Variants in BMAL1 observed in about 807,000 individuals in gnomAD.
BMAL1 encodes the protein basic helix-loop-helix ARNT-like protein 1.
the BMAL1 span, among the ~76,000 whole-genome samples, chr11:13,311,756 T>C: frequency 2.0e-5 from 3 of 152,210 alleles, no homozygotes; most frequent in African/African-American, 7.2e-5. Flanking sequence ...TGTGTTCTTA[T>C]GCTCCCTTTT....
At chr11:13,298,476 T>C in the BMAL1 span, among the ~76,000 whole-genome samples, 3 of 152,368 alleles carry the variant, frequency 2.0e-5, no homozygotes, top group African/African-American at 4.8e-5. Context: ...CTAGCACTTA[T>C]CACCATCTAA....
At chr11:13,318,429 A>C in the BMAL1 span, among the ~76,000 whole-genome samples, 2 of 152,170 alleles carry the variant, frequency 1.3e-5, no homozygotes, top group African/African-American at 4.8e-5. Flanking sequence ...ATAAAATTTT[A>C]AATAATGCAG....
chr11:13,356,887 C>A, the BMAL1 span: 5 of 1,595,736 alleles, frequency 3.1e-6, no homozygotes, highest in Admixed American at 1.7e-5. Flanking sequence ...TGGAGATGAG[C>A]AAGGAGGCCG....
At chr11:13,344,235 A>AT in the BMAL1 span, among the ~76,000 whole-genome samples, 1 of 151,972 alleles carries the variant, frequency 6.6e-6, no homozygotes, top group Admixed American at 6.6e-5. Context: ...CAAGCAAATC[A>AT]TTTTTTCATC....
At chr11:13,318,557 T>G in the BMAL1 span, among the ~76,000 whole-genome samples, 4 of 149,022 alleles carry the variant, frequency 2.7e-5, no homozygotes, top group African/African-American at 7.4e-5. Flanking sequence ...TTTTTTTTTT[T>G]TTTTTTTTTT....
chr11:13,372,363 G>A, the BMAL1 span: 1 of 1,614,154 alleles, frequency 6.2e-7, no homozygotes, highest in South Asian at 1.1e-5. Context: ...TATGGAATAT[G>A]TTTCTCGGCA....
the BMAL1 span, chr11:13,385,554 TC>T: frequency 3.2e-6 from 2 of 627,760 alleles, no homozygotes; most frequent in Non-Finnish European, 2.8e-6. Context: ...GTCTAACAGT[TC>T]CTTGTTTGAA....
At chr11:13,317,611 C>T in the BMAL1 span, among the ~76,000 whole-genome samples, 2 of 152,298 alleles carry the variant, frequency 1.3e-5, no homozygotes, top group East Asian at 3.9e-4. Context: ...TACTCTAGAC[C>T]TGAGAAATTC....
At chr11:13,319,827 G>C in the BMAL1 span, among the ~76,000 whole-genome samples, 74 of 152,330 alleles carry the variant, frequency 4.9e-4, no homozygotes, top group African/African-American at 1.7e-3. Context: ...ACTGAGGCTG[G>C]GTCAGCATTT....
the BMAL1 span, chr11:13,360,359 T>C: frequency 1.9e-6 from 3 of 1,613,752 alleles, no homozygotes; most frequent in Non-Finnish European, 2.5e-6. Flanking sequence ...CACCAATCCA[T>C]ACACAGAAGC....
the BMAL1 span, among the ~76,000 whole-genome samples, chr11:13,285,953 T>C: frequency 6.6e-6 from 1 of 152,350 alleles, no homozygotes; most frequent in Non-Finnish European, 1.5e-5. Context: ...TTAATTGTGT[T>C]TAGTGCAGAA....
At chr11:13,385,845 A>C in the BMAL1 span, 1 of 1,356,498 alleles carries the variant, frequency 7.4e-7, no homozygotes, top group Non-Finnish European at 1.1e-6. Context: ...AACATCTTAC[A>C]TAAAGTCAAT....
chr11:13,355,951 C>T, the BMAL1 span, among the ~76,000 whole-genome samples: 7 of 152,310 alleles, frequency 4.6e-5, no homozygotes, highest in East Asian at 7.7e-4. Flanking sequence ...AGCTGGCAGT[C>T]CATGCCCTCC....
the BMAL1 span, among the ~76,000 whole-genome samples, chr11:13,386,096 G>C: frequency 2.0e-4 from 30 of 152,326 alleles, no homozygotes; most frequent in Middle Eastern, 3.4e-3. Flanking sequence ...ATAATGCCTA[G>C]AAGGGTGATT....
the BMAL1 span, among the ~76,000 whole-genome samples, chr11:13,298,448 TG>T: frequency 2.0e-5 from 3 of 152,262 alleles, no homozygotes; most frequent in African/African-American, 7.2e-5. Flanking sequence ...CTTTTTCCCT[TG>T]CTCTTTATTT....
the BMAL1 span, among the ~76,000 whole-genome samples, chr11:13,321,642 C>T: frequency 6.6e-6 from 1 of 152,158 alleles, no homozygotes; most frequent in Non-Finnish European, 1.5e-5. Context: ...CCACATGGGG[C>T]AATGACAGCT....
At chr11:13,333,925 C>T in the BMAL1 span, among the ~76,000 whole-genome samples, 2 of 152,182 alleles carry the variant, frequency 1.3e-5, no homozygotes, top group Admixed American at 1.3e-4. Flanking sequence ...TATCTCCCTC[C>T]ACAAGGTTTA....
chr11:13,281,304 G>A, the BMAL1 span, among the ~76,000 whole-genome samples: 1 of 152,010 alleles, frequency 6.6e-6, no homozygotes, highest in Non-Finnish European at 1.5e-5. Context: ...TCTTTACTTG[G>A]TACCCTGGGT....
chr11:13,300,277 A>G, the BMAL1 span, among the ~76,000 whole-genome samples: 1 of 152,246 alleles, frequency 6.6e-6, no homozygotes, highest in Non-Finnish European at 1.5e-5. Flanking sequence ...CTAATGCTAC[A>G]TTAAGCCATC....
Sources: allele counts gnomAD v4.1 joint callset (sites outside exome capture counted in the v4.1 genomes callset), GRCh38; gene constraint gnomAD v4.1.1; transcripts MANE v1.5; gene names NCBI Gene and HGNC (gene_info 2026-07-23, HGNC 2026-07-21).